Variants in XPC observed in about 807,000 individuals in gnomAD.
XPC encodes XPC complex subunit, DNA damage recognition and repair factor.
In XPC, 76 loss-of-function variants were observed where a neutral mutation model predicts 95.8. That is an observed-to-expected ratio of 0.79 (90% CI 0.66 to 0.96). The LOEUF (loss-of-function observed/expected upper bound fraction) is 0.96. Among genes scored for constraint, XPC ranks in the 40% least tolerant of loss-of-function variants. The pLI is 0.00. For synonymous variants in XPC, 442 were observed against 442.1 expected (o/e 1.00, Z 0.00); for missense variants, 1,146 against 1,179.8 (o/e 0.97, Z 0.42).
At position 14,145,999 on chromosome 3, in the gene XPC, T is replaced by C; in HGVS notation, c.2765A>G (p.Lys922Arg). The change falls in exon 16 of 16, where the codon AAG becomes AGG. Residue 922 changes from lysine to arginine, a missense_variant. Lys to Arg is a conservative substitution (Grantham distance 26). Coordinates refer to ENST00000285021, the MANE Select transcript of XPC (RefSeq NM_004628.5). ...TGCTGCTTTCTTTTCCCTTTTGGTC[T>C]TCTTGGGCCCACCCTTCAGCTTCTG... Reference protein sequence around the residue: ...EKQKLKGGPKKTKREKKAAAS... With the variant: ...EKQKLKGGPKRTKREKKAAAS... The C allele has an allele frequency of 6.2e-7, 1 of 1,610,738 alleles. No individual in the cohort carries two copies. Among genetic ancestry groups the C allele is most frequent in the Non-Finnish European group, 8.5e-7 (1 of 1,177,746 alleles).
At chr3:14,157,895 G>T in intron 9 of XPC, 116 bp downstream of exon 9, 4 of 1,378,002 alleles carry the variant, frequency 2.9e-6, no homozygotes, top group Non-Finnish European at 3.9e-6. Context: ...ACAATTAAAT[G>T]AGACAACCCA....
chr3:14,172,984 C>A lies in XPC; in HGVS notation c.182G>T (p.Ser61Ile). The A allele has an allele frequency of 6.2e-7, 1 of 1,613,622 alleles. No individual in the cohort carries two copies. Among genetic ancestry groups the A allele is most frequent in the Non-Finnish European group, 8.5e-7 (1 of 1,179,728 alleles). Residue 61 changes from serine (S) to isoleucine (I), a missense_variant, in exon 2 of 16, where the codon AGT (serine) becomes ATT (isoleucine). By Grantham distance (142) the Ser-to-Ile change is moderately radical. Coordinates refer to ENST00000285021, the MANE Select transcript of XPC (RefSeq NM_004628.5). ...VSQGKRKRGC[S>I]HPGGSADGPA... is the part of the protein sequence containing the mutation. ...ACCATCTGCTGAACCCCCAGGATGA[C>A]TGCAGCCTCTTTTCCTCTTTCCTTG...
At chr3:14,159,949 T>C (rs1696103610) in intron 7 of XPC, 119 bp from the exon 8 acceptor site, 1 of 969,118 alleles carries the variant, frequency 1.0e-6, no homozygotes, top group African/African-American at 1.7e-5. Flanking sequence ...AGCCAGACTG[T>C]CTAACAGTAG....
chr3:14,168,354 C>T lies in XPC; in HGVS notation c.439G>A (p.Val147Met), dbSNP rs779032985. The T allele has an allele frequency of 2.0e-5, 32 of 1,613,798 alleles. No individual in the cohort carries two copies. The highest frequency in any genetic ancestry group is 6.7e-5 in the East Asian group (3 of 44,886). Residue 147 changes from valine (V) to methionine (M), a missense_variant, in exon 4 of 16, where the codon GTG (valine) becomes ATG (methionine). Val to Met is a conservative substitution (Grantham distance 21, BLOSUM62 1). Transcript: ENST00000285021. ...CGAGAGAAGGCTGTACTTTCTCTCA[C>T]GTCACCCAGCACAGGCTCACTAAGT... ...EELSEPVLGDVRESTAFSRSL... is the reference protein window; with the variant it reads ...EELSEPVLGDMRESTAFSRSL...
At chr3:14,171,417 G>T (rs1574975787) in intron 2 of XPC, among the ~76,000 whole-genome samples, 1 of 152,178 alleles carries the variant, frequency 6.6e-6, no homozygotes. Flanking sequence ...ATGCTCAGGG[G>T]AGAGGGAAAG....
chr3:14,145,586 G>C lies in XPC; in HGVS notation c.*355C>G, dbSNP rs546662564. 1 of 699,436 alleles carries C rather than the reference G, an allele frequency of 1.4e-6. No homozygotes were observed. The highest frequency in any genetic ancestry group is 2.0e-5 in the Admixed American group (1 of 49,982). The allele number at this position is 699,436 out of a possible 1,614,324, so 43.3% of individuals were successfully genotyped here. A position where few individuals can be genotyped will look rare whatever the true frequency, so the allele number is the denominator to read the frequency against. On this transcript the variant is annotated 3_prime_UTR_variant, in exon 16 of 16. Transcript: ENST00000285021. ...ATGCACCACCATCCAGAAATCTCCCGGTGGCTTCCATACAAAAACTGATGT... is the reference window on the plus strand; with the variant it reads ...ATGCACCACCATCCAGAAATCTCCCCGTGGCTTCCATACAAAAACTGATGT...
At position 14,147,928 on chromosome 3, in the gene XPC, T is replaced by C. The variant is rs1276547604; in HGVS notation, c.2494A>G (p.Ile832Val). ...CTTACCTCCTTCTCCTTCCTTTCAA[T>C]GACTGCCTGCTCATTTTCCCAGGCA... is the stretch of plus-strand genomic sequence containing the variant. Reference protein sequence around the residue: ...LTAWENEQAVIERKEKEKKEK... With the variant: ...LTAWENEQAVVERKEKEKKEK... The change falls in exon 14 of 16, where the codon ATT becomes GTT. Residue 832 changes from isoleucine (I) to valine (V), a missense_variant. By Grantham distance (29) the Ile-to-Val change is conservative. Transcript: ENST00000285021. The C allele has an allele frequency of 6.2e-7, 1 of 1,602,948 alleles. No homozygotes were observed. Among genetic ancestry groups the C allele is most frequent in the African/African-American group, 1.3e-5 (1 of 74,964 alleles).
chr3:14,178,126 T>C (rs1454879719), intron 1 of XPC, among the ~76,000 whole-genome samples: 1 of 152,256 alleles, frequency 6.6e-6, no homozygotes, highest in Non-Finnish European at 1.5e-5. Context: ...ACTGCATCAC[T>C]CTACGTCCTG....
intron 9 of XPC, among the ~76,000 whole-genome samples, chr3:14,156,843 G>C (rs771753895): frequency 6.6e-6 from 1 of 152,186 alleles, no homozygotes; most frequent in Non-Finnish European, 1.5e-5. Flanking sequence ...TATTTCAAAG[G>C]GACAATCCTC....
chr3:14,164,814 T>G lies in XPC; in HGVS notation c.899A>C (p.His300Pro), dbSNP rs1453993434. The change falls in exon 7 of 16, where the codon CAT becomes CCT. Residue 300 changes from histidine (H) to proline (P), a missense_variant and splice_region_variant. By Grantham distance (77) the His-to-Pro change is moderately conservative (BLOSUM62 -2). Coordinates refer to ENST00000285021, the MANE Select transcript of XPC (RefSeq NM_004628.5). ...CAGTGATCCGGGAGGATCACTTACA[T>G]GGACCAATTCCTCATCATCTCGAGC... ...YSARDDEELV[H>P]IFLLILRALQ... 6.2e-7 allele frequency: 1 copy of G among 1,613,000 alleles called. No homozygotes were observed. Among genetic ancestry groups the G allele is most frequent in the South Asian group, 1.1e-5 (1 of 90,800 alleles).
chr3:14,166,513 C>T (rs1696384781), intron 5 of XPC, among the ~76,000 whole-genome samples: 1 of 144,448 alleles, frequency 6.9e-6, no homozygotes, highest in Non-Finnish European at 1.5e-5. Flanking sequence ...ACCCTCCCTT[C>T]ACCCCCACCC....
chr3:14,146,123 C>A lies in XPC; in HGVS notation c.2641G>T (p.Gly881Ter). Reference sequence around the variant, plus strand: ...CCCTCCTCTTCATCAGAAGAGAGTCCACCTCCTGCATCTGTGTGGGGAGCT... The same window carrying A: ...CCCTCCTCTTCATCAGAAGAGAGTCAACCTCCTGCATCTGTGTGGGGAGCT... The part of the protein sequence containing the change: ...AAAPHTDAGG[G>*]LSSDEEEGTS... The change falls in exon 16 of 16, where the codon GGA becomes TGA. Residue 881 changes from glycine to a stop codon, truncating the protein, a stop_gained. Transcript: ENST00000285021. LOFTEE classifies it high-confidence loss of function. 6.2e-7 allele frequency: 1 copy of A among 1,611,132 alleles called. No individual in the cohort carries two copies. The highest frequency in any genetic ancestry group is 8.5e-7 in the Non-Finnish European group (1 of 1,179,210).
intron 3 of XPC, among the ~76,000 whole-genome samples, chr3:14,168,738 G>C (rs1696494341): frequency 6.6e-6 from 1 of 151,536 alleles, no homozygotes; most frequent in Non-Finnish European, 1.5e-5. Context: ...ACCCAAGTGA[G>C]AATAATCTCC....
chr3:14,165,150 G>A (rs3731113), intron 6 of XPC, among the ~76,000 whole-genome samples: 7 of 152,120 alleles, frequency 4.6e-5, no homozygotes, highest in African/African-American at 7.2e-5. Context: ...TGAGAAAAGC[G>A]CCCCTGCTAT....
At chr3:14,148,494 C>T (rs1559368725) in intron 13 of XPC, 68 bp downstream of exon 13, 2 of 1,576,808 alleles carry the variant, frequency 1.3e-6, no homozygotes, top group East Asian at 4.5e-5. Context: ...GCCAGCTTTC[C>T]ATCCCCATCT....
rs187931178 is a variant in XPC at position 14,163,818 on chromosome 3, G to A, written c.900+995C>T. Among the ~76,000 whole-genome samples, 28 of 152,330 alleles carry A rather than the reference G, an allele frequency of 1.8e-4. No individual in the cohort carries two copies. The East Asian group carries it at 3.1e-3, about 17-fold the overall frequency. ...CATACACAGGAACAAAGTCTGGGAGGACAATACTAAAATATTAATGAGTTA... is the reference window on the plus strand; with the variant it reads ...CATACACAGGAACAAAGTCTGGGAGAACAATACTAAAATATTAATGAGTTA... On this transcript the variant is annotated intron_variant, in intron 7 of 15. Transcript: ENST00000285021.
chr3:14,165,602 A>G lies in XPC; in HGVS notation c.622-17T>C. On this transcript the variant is annotated splice_polypyrimidine_tract_variant and intron_variant, in intron 5 of 15. Transcript: ENST00000285021. ...AAGGTGAACCTGTGAAGAGGAAAGG[A>G]GGAAGGGGCAGCATGGAAGGAAGGC... 12 of 1,612,792 alleles carry G rather than the reference A, an allele frequency of 7.4e-6. No homozygotes were observed. The highest frequency in any genetic ancestry group is 1.0e-5 in the Non-Finnish European group (12 of 1,179,408).
chr3:14,171,643 G>A (rs1200807381), intron 2 of XPC, among the ~76,000 whole-genome samples: 2 of 152,134 alleles, frequency 1.3e-5, no homozygotes, highest in African/African-American at 4.8e-5. Flanking sequence ...TCAGGAGTTC[G>A]ACACCAACAT....
intron 3 of XPC, among the ~76,000 whole-genome samples, chr3:14,168,730 C>T (rs2125041333): frequency 6.6e-6 from 1 of 152,022 alleles, no homozygotes; most frequent in Non-Finnish European, 1.5e-5. Flanking sequence ...AAAAAAAAAC[C>T]CAAGTGAGAA....
Sources: gnomAD v4.1 joint callset for allele counts (sites outside exome capture counted in the v4.1 genomes callset) on GRCh38, gnomAD v4.1.1 for gene constraint, MANE v1.5 for transcripts, NCBI Gene and HGNC (gene_info 2026-07-23, HGNC 2026-07-21) for gene names.